The following PPM1E variants were observed in gnomAD, a reference collection of about 807,000 sequenced individuals.
PPM1E encodes the protein protein phosphatase, Mg2+/Mn2+ dependent 1E, also known as protein phosphatase 1E.
A neutral mutation model predicts 65.9 loss-of-function variants in PPM1E; 20 were observed. That is an observed-to-expected ratio of 0.30 (90% CI 0.21 to 0.44). PPM1E has a LOEUF of 0.44. Ranked by LOEUF, PPM1E falls within the 20% of genes least tolerant of loss-of-function variation. The probability of loss-of-function intolerance (pLI) is 1.00; values close to 1 mark genes in which losing one functional copy is unlikely to be tolerated. For missense variants in PPM1E, 713 were observed against 953.1 expected, an observed-to-expected ratio of 0.75 and a Z score of 3.32; for synonymous variants, 352 against 374.9, an observed-to-expected ratio of 0.94 and a Z score of 0.70.
intron 1 of PPM1E, among the ~76,000 whole-genome samples, chr17:58,785,054 C>A (rs2050085931): frequency 6.6e-6 from 1 of 151,872 alleles, no homozygotes; most frequent in African/African-American, 2.4e-5. Context: ...TTGCCCAATC[C>A]AAGGTCATGA....
chr17:58,767,117 A>G (rs1483383479), intron 1 of PPM1E, among the ~76,000 whole-genome samples: 1 of 152,162 alleles, frequency 6.6e-6, no homozygotes, highest in Non-Finnish European at 1.5e-5. Context: ...AGCATTGTCT[A>G]CACCCAAAAT....
chr17:58,844,738 C>A (rs543413482), intron 1 of PPM1E, among the ~76,000 whole-genome samples: 1 of 152,114 alleles, frequency 6.6e-6, no homozygotes, highest in Non-Finnish European at 1.5e-5. Flanking sequence ...TATAAAACTG[C>A]ATGGAAAAAG....
At chr17:58,938,387 A>G (rs959045107) in intron 1 of PPM1E, among the ~76,000 whole-genome samples, 4 of 151,352 alleles carry the variant, frequency 2.6e-5, no homozygotes. Flanking sequence ...TCAAATAGTA[A>G]TTAAATGGTA....
At chr17:58,791,424 C>G (rs1031790958) in intron 1 of PPM1E, among the ~76,000 whole-genome samples, 1 of 152,152 alleles carries the variant, frequency 6.6e-6, no homozygotes, top group Non-Finnish European at 1.5e-5. Context: ...TTGGTGAGAG[C>G]AGATACTGTC....
At chr17:58,784,043 G>A (rs1441354805) in intron 1 of PPM1E, among the ~76,000 whole-genome samples, 1 of 151,420 alleles carries the variant, frequency 6.6e-6, no homozygotes, top group Non-Finnish European at 1.5e-5. Context: ...TTTGTTTTGA[G>A]ACAGAGTCTC....
intron 1 of PPM1E, among the ~76,000 whole-genome samples, chr17:58,820,656 A>G (rs1026577714): frequency 6.6e-6 from 1 of 152,240 alleles, no homozygotes; most frequent in Non-Finnish European, 1.5e-5. Flanking sequence ...TGAATAAGGT[A>G]GAGACTGAAT....
intron 6 of PPM1E, 120 bp from the exon 7 acceptor site, chr17:58,979,854 C>A: frequency 1.3e-6 from 1 of 748,026 alleles, no homozygotes; most frequent in African/African-American, 1.8e-5. Flanking sequence ...AAATTCTTTC[C>A]AGTCAAGTCA....
At chr17:58,778,887 T>A (rs1362580672) in intron 1 of PPM1E, among the ~76,000 whole-genome samples, 1 of 146,038 alleles carries the variant, frequency 6.8e-6, no homozygotes, top group Non-Finnish European at 1.5e-5. Flanking sequence ...CTCTATTTCT[T>A]TTTTTCTATT....
intron 1 of PPM1E, among the ~76,000 whole-genome samples, chr17:58,784,839 T>C (rs567385861): frequency 6.6e-6 from 1 of 152,278 alleles, no homozygotes; most frequent in East Asian, 1.9e-4. Context: ...ATTTTTTAAA[T>C]TGGGTTATTT....
chr17:58,810,232 G>A (rs999603511), intron 1 of PPM1E, among the ~76,000 whole-genome samples: 4 of 151,224 alleles, frequency 2.6e-5, no homozygotes, highest in African/African-American at 9.7e-5. Context: ...TTTCTGAGAC[G>A]GAGTCTCACT....
In PPM1E at chr17:58,984,957, A is replaced by G. The variant is rs1345077321; in HGVS notation, c.*3926A>G. The stretch of plus-strand genomic sequence containing the variant: ...AGAGACAGGCTTTGTTCTCTTGTTC[A>G]TAACATTTCTCTGCAAAGAATTCTC... On this transcript the variant is annotated 3_prime_UTR_variant, in exon 7 of 7. Transcript: ENST00000308249. The G allele has an allele frequency of 1.3e-5, 2 of 152,680 alleles. No individual in the cohort carries two copies. The highest frequency in any genetic ancestry group is 1.5e-5 in the Non-Finnish European group (1 of 68,046). The allele number at this position is 152,680 out of a possible 1,614,324, so 9.5% of individuals were successfully genotyped here.
rs1489941637 is a variant in PPM1E at position 58,981,832 on chromosome 17, C to G, written c.*801C>G. On this transcript the variant is annotated 3_prime_UTR_variant, in exon 7 of 7. Coordinates refer to ENST00000308249, the MANE Select transcript of PPM1E (RefSeq NM_014906.5). ...ATCTATGATGCTAATGTGTTTTCCACTGTACCCTCATCTCAGGAATAAAAC... is the reference window on the plus strand; with the variant it reads ...ATCTATGATGCTAATGTGTTTTCCAGTGTACCCTCATCTCAGGAATAAAAC... 1.3e-5 allele frequency: 2 copies of G among 152,590 alleles called. No individual in the cohort carries two copies. The highest frequency in any genetic ancestry group is 2.9e-5 in the Non-Finnish European group (2 of 68,034). 9.5% of individuals were successfully genotyped at this position (152,590 alleles called of 1,614,324 possible).
chr17:58,966,603 AATT>A (rs1249299864), intron 3 of PPM1E: 1 of 168,976 alleles, frequency 5.9e-6, no homozygotes, highest in African/African-American at 2.4e-5. Context: ...AAGTAGCTGG[AATT>A]ATATTTCATA....
intron 6 of PPM1E, among the ~76,000 whole-genome samples, chr17:58,976,885 G>A (rs1386548953): frequency 3.3e-5 from 5 of 151,848 alleles, no homozygotes; most frequent in South Asian, 2.1e-4. Flanking sequence ...TTTTAGAGGC[G>A]GAATTCAAAA....
In PPM1E at chr17:58,970,733, G is replaced by A. The variant is rs568570778; in HGVS notation, c.972+1006G>A. ...GTAACCAGTAGAGTCCACACAAAGA[G>A]GTGGGTCTGGAGAATAAAGCCACTC... On this transcript the variant is annotated intron_variant, in intron 4 of 6. Transcript: ENST00000308249. Among the ~76,000 whole-genome samples, 34 of 152,128 alleles carry A rather than the reference G, an allele frequency of 2.2e-4. 1 individual carries two copies. In the South Asian group the frequency reaches 7.1e-3, roughly 32 times the overall value.
intron 1 of PPM1E, among the ~76,000 whole-genome samples, chr17:58,802,267 A>C (rs1385148240): frequency 6.6e-6 from 1 of 152,150 alleles, no homozygotes; most frequent in Non-Finnish European, 1.5e-5. Flanking sequence ...CAGTTTTCCT[A>C]CCACCATTTA....
intron 1 of PPM1E, among the ~76,000 whole-genome samples, chr17:58,790,209 C>T (rs1207832925): frequency 6.6e-6 from 1 of 152,050 alleles, no homozygotes; most frequent in Admixed American, 6.6e-5. Flanking sequence ...CAGGTGTATG[C>T]CACCATGCCT....
At position 58,947,110 on chromosome 17, in the gene PPM1E, G is replaced by GT. The variant is rs56666470; in HGVS notation, c.465-8511dup. Among the ~76,000 whole-genome samples, 87 of 44,094 alleles carry GT rather than the reference G, an allele frequency of 2.0e-3. 10 individuals carry two copies. Among genetic ancestry groups the GT allele is most frequent in the Admixed American group, 3.2e-3 (8 of 2,480 alleles). The allele number at this position is 44,094 out of a possible 152,430, so 28.9% of individuals were successfully genotyped here. A position where few individuals can be genotyped will look rare whatever the true frequency, so the allele number is the denominator to read the frequency against. On this transcript the variant is annotated intron_variant, in intron 1 of 6. Transcript: ENST00000308249. ...ACAGAAAGTTATTTTCCTTTTTCCTGTTTTTTTTTTTTTTTTTTTTTTTTT... is the reference window on the plus strand; with the variant it reads ...ACAGAAAGTTATTTTCCTTTTTCCTGTTTTTTTTTTTTTTTTTTTTTTTTTT...
chr17:58,947,002 A>T (rs1203791806), intron 1 of PPM1E, among the ~76,000 whole-genome samples: 1 of 149,486 alleles, frequency 6.7e-6, no homozygotes, highest in Non-Finnish European at 1.5e-5. Context: ...TAATTTTTGT[A>T]TATGGTGTAA....
Sources: gnomAD v4.1 joint callset for allele counts (sites outside exome capture counted in the v4.1 genomes callset) on GRCh38, gnomAD v4.1.1 for gene constraint, MANE v1.5 for transcripts, NCBI Gene and HGNC (gene_info 2026-07-23, HGNC 2026-07-21) for gene names.